Variants in STAB2 observed in about 807,000 individuals in gnomAD.
The protein encoded by STAB2 is stabilin-2.
Under a neutral mutation model 338.1 loss-of-function variants are expected in STAB2, and 288 were observed. The observed-to-expected ratio is 0.85, with a 90% CI of 0.77 to 0.94. The LOEUF (loss-of-function observed/expected upper bound fraction) is 0.94. Among genes scored for constraint, STAB2 ranks in the 40% least tolerant of loss-of-function variants. The pLI, the probability that STAB2 is intolerant of heterozygous loss-of-function variation, is 0.00. For missense variants in STAB2, 3,141 were observed against 3,210.1 expected (o/e 0.98, Z 0.52); for synonymous variants, 1,202 against 1,193.3 (o/e 1.01, Z -0.15).
chr12:103,625,590 A>G (rs1957368923), intron 5 of STAB2, among the ~76,000 whole-genome samples: 2 of 152,010 alleles, frequency 1.3e-5, no homozygotes, highest in African/African-American at 2.4e-5. Context: ...GTTCCTACCT[A>G]TGAGTGAGAA....
intron 63 of STAB2, chr12:103,757,825 G>C (rs1187598801): frequency 7.5e-6 from 2 of 268,302 alleles, no homozygotes; most frequent in African/African-American, 4.3e-5. Flanking sequence ...TGGGCCTCGT[G>C]AGCTGTTATG....
chr12:103,594,557 C>T (rs1956848655), intron 3 of STAB2, 47 bp downstream of exon 3: 1 of 1,426,594 alleles, frequency 7.0e-7, no homozygotes, highest in Non-Finnish European at 9.9e-7. Flanking sequence ...CTTGGTATCT[C>T]ATTTGGTAGA....
At chr12:103,650,432 TTACTCCTCCTG>T in intron 10 of STAB2, 53 bp from the exon 11 acceptor site, 2 of 1,457,284 alleles carry the variant, frequency 1.4e-6, no homozygotes, top group South Asian at 2.3e-5. Context: ...TTGCCTGATT[TTACTCCTCCTG>T]TACCACTGAC....
intron 67 of STAB2, 30 bp downstream of exon 67, chr12:103,762,432 G>A: frequency 6.2e-7 from 1 of 1,614,060 alleles, no homozygotes; most frequent in East Asian, 2.2e-5. Context: ...ACATGATGAT[G>A]GGGTCCTCTC....
At chr12:103,626,171 T>C (rs1203101558) in intron 5 of STAB2, among the ~76,000 whole-genome samples, 1 of 152,246 alleles carries the variant, frequency 6.6e-6, no homozygotes, top group Non-Finnish European at 1.5e-5. Flanking sequence ...AAATATTGTC[T>C]GTTTGCACTG....
Position 103,703,153 on chromosome 12 carries a change from T to C in STAB2, c.3720T>C (p.Tyr1240=), listed in dbSNP as rs1480637245. Reference sequence around the variant, plus strand: ...TTTAACCCTGTTGTTCACAGCTCTATGTAAATGAGGCTCCAATAAACTACA... The same window carrying C: ...TTTAACCCTGTTGTTCACAGCTCTACGTAAATGAGGCTCCAATAAACTACA... ...LSFFLHNDQL[Y]VNEAPINYTN... Residue 1240 remains tyrosine, a synonymous_variant, in exon 35 of 69, where the codon TAT becomes TAC. Coordinates refer to ENST00000388887, the MANE Select transcript of STAB2 (RefSeq NM_017564.10). 1 of 1,613,480 alleles carries C rather than the reference T, an allele frequency of 6.2e-7. No homozygotes were observed. Among genetic ancestry groups the C allele is most frequent in the Non-Finnish European group, 8.5e-7 (1 of 1,179,936 alleles).
chr12:103,739,599 T>TA, intron 54 of STAB2, 131 bp downstream of exon 54: 1 of 719,372 alleles, frequency 1.4e-6, no homozygotes, highest in East Asian at 3.3e-5. Context: ...TGCATAAATG[T>TA]AATTTATGTC....
At chr12:103,740,593 G>C in intron 54 of STAB2, 37 bp from the exon 55 acceptor site, 1 of 1,604,044 alleles carries the variant, frequency 6.2e-7, no homozygotes, top group Non-Finnish European at 8.5e-7. Context: ...AGTCCCTGCA[G>C]TGGTAAGTGA....
chr12:103,619,970 G>A (rs1002979554), intron 3 of STAB2, among the ~76,000 whole-genome samples: 5 of 152,032 alleles, frequency 3.3e-5, no homozygotes, highest in Non-Finnish European at 5.9e-5. Flanking sequence ...GATGTCTCTC[G>A]GGCTCCCTAA....
At chr12:103,674,776 T>C (rs1412040177) in intron 23 of STAB2, among the ~76,000 whole-genome samples, 2 of 152,262 alleles carry the variant, frequency 1.3e-5, no homozygotes, top group African/African-American at 2.4e-5. Flanking sequence ...CTTGGTCCTC[T>C]CCTTGCACTG....
chr12:103,701,847 A>G (rs1878899659), intron 34 of STAB2, among the ~76,000 whole-genome samples: 1 of 152,118 alleles, frequency 6.6e-6, no homozygotes, highest in South Asian at 2.1e-4. Context: ...GGAAGTTTGA[A>G]TTAAGCACTT....
chr12:103,715,909 G>T, intron 43 of STAB2, 21 bp downstream of exon 43: 1 of 1,613,342 alleles, frequency 6.2e-7, no homozygotes, highest in East Asian at 2.2e-5. Context: ...CCTCTCCCAG[G>T]CCCTTAGGTT....
intron 59 of STAB2, 62 bp from the exon 60 acceptor site, chr12:103,750,517 C>T (rs1416549076): frequency 3.8e-6 from 6 of 1,595,198 alleles, no homozygotes; most frequent in East Asian, 2.2e-5. Flanking sequence ...CCCATGGGCA[C>T]TTGGGCATCC....
At chr12:103,654,078 G>T (rs866371127) in intron 12 of STAB2, among the ~76,000 whole-genome samples, 27 of 152,172 alleles carry the variant, frequency 1.8e-4, no homozygotes, top group Non-Finnish European at 1.8e-4. Flanking sequence ...TTCTCACAAG[G>T]ATATGCATGT....
At chr12:103,702,879 G>C (rs1879024772) in intron 34 of STAB2, among the ~76,000 whole-genome samples, 1 of 152,190 alleles carries the variant, frequency 6.6e-6, no homozygotes, top group African/African-American at 2.4e-5. Flanking sequence ...AAATTATGTA[G>C]AACAACTTCT....
At position 103,749,030 on chromosome 12, in the gene STAB2, G is replaced by C. The variant is rs151012888; in HGVS notation, c.6312G>C (p.Thr2104=). 30 of 1,613,986 alleles carry C rather than the reference G, an allele frequency of 1.9e-5. No individual in the cohort carries two copies. Among genetic ancestry groups the C allele is most frequent in the Middle Eastern group, 1.6e-4 (1 of 6,084 alleles). ...AKVARCSQKG[T]KVSCSCQKGY... ...TGGCCAGATGCTCCCAGAAGGGCAC[G>C]AAGGTCTCCTGCAGCTGCCAGAAGG... The change falls in exon 59 of 69, where the codon ACG becomes ACC. Residue 2104 remains threonine, a synonymous_variant. Coordinates refer to ENST00000388887, the MANE Select transcript of STAB2 (RefSeq NM_017564.10).
Position 103,685,102 on chromosome 12 carries a change from A to T in STAB2, c.2997+18A>T, listed in dbSNP as rs777198765. On this transcript the variant is annotated intron_variant, in intron 27 of 68. Coordinates refer to ENST00000388887, the MANE Select transcript of STAB2 (RefSeq NM_017564.10). ...CAGCAGTGGTAAGTCATCGATGATG[A>T]ACTCAATAATATAGACAAAACCCTT... The T allele has an allele frequency of 6.2e-7, 1 of 1,610,372 alleles. No individual in the cohort carries two copies. The highest frequency in any genetic ancestry group is 2.2e-5 in the East Asian group (1 of 44,866).
At chr12:103,699,075 C>T (rs761377000) in intron 33 of STAB2, 21 bp from the exon 34 acceptor site, 22 of 1,597,034 alleles carry the variant, frequency 1.4e-5, no homozygotes, top group Non-Finnish European at 1.8e-5. Context: ...TGACTGACTT[C>T]CAATTCTGTG....
intron 45 of STAB2, 65 bp from the exon 46 acceptor site, chr12:103,726,051 G>C: frequency 6.3e-7 from 1 of 1,574,852 alleles, no homozygotes; most frequent in Non-Finnish European, 8.7e-7. Context: ...ATCATCCCAT[G>C]ACAACCCTGT....
Sources: gnomAD v4.1 joint callset for allele counts (sites outside exome capture counted in the v4.1 genomes callset) on GRCh38, gnomAD v4.1.1 for gene constraint, MANE v1.5 for transcripts, NCBI Gene and HGNC (gene_info 2026-07-23, HGNC 2026-07-21) for gene names.